TMTC1: variants seen among roughly 807,000 people sequenced by gnomAD.
TMTC1 encodes the protein transmembrane O-mannosyltransferase targeting cadherins 1.
In TMTC1, 73 loss-of-function variants were observed where a neutral mutation model predicts 104.8. The observed-to-expected ratio is 0.70, with a 90% CI of 0.58 to 0.85. The LOEUF (loss-of-function observed/expected upper bound fraction) is 0.85. Ranked by LOEUF, TMTC1 falls within the 40% of genes least tolerant of loss-of-function variation. The pLI is 0.00. For synonymous variants in TMTC1, 434 were observed against 428.7 expected (o/e 1.01, Z -0.15); for missense variants, 1,035 against 1,096.1 (o/e 0.94, Z 0.79).
intron 5 of TMTC1, among the ~76,000 whole-genome samples, chr12:29,711,319 A>G (rs997247545): frequency 4.6e-5 from 7 of 152,174 alleles, no homozygotes; most frequent in African/African-American, 1.7e-4. Flanking sequence ...AAATGTATTC[A>G]GGAACAAGTT....
At chr12:29,620,629 C>T (rs1277658033) in intron 6 of TMTC1, among the ~76,000 whole-genome samples, 1 of 152,170 alleles carries the variant, frequency 6.6e-6, no homozygotes, top group Admixed American at 6.5e-5. Context: ...ACAGATCCAA[C>T]TTCTCTATTT....
At chr12:29,589,579 A>T (rs891976430) in intron 7 of TMTC1, among the ~76,000 whole-genome samples, 1 of 152,182 alleles carries the variant, frequency 6.6e-6, no homozygotes, top group African/African-American at 2.4e-5. Flanking sequence ...ACATCTCAAT[A>T]GTCATTTTCT....
chr12:29,762,143 C>T (rs965965072), intron 2 of TMTC1, among the ~76,000 whole-genome samples: 4 of 152,110 alleles, frequency 2.6e-5, no homozygotes, highest in Admixed American at 2.6e-4. Context: ...CACATCACTG[C>T]GCCCCAGCCT....
At chr12:29,565,171 A>C (rs938523231) in intron 9 of TMTC1, among the ~76,000 whole-genome samples, 3 of 152,160 alleles carry the variant, frequency 2.0e-5, no homozygotes, top group Non-Finnish European at 2.9e-5. Flanking sequence ...AGAATCCAGA[A>C]GGCAGTCTGT....
chr12:29,780,766 T>G (rs1273369328), intron 1 of TMTC1, among the ~76,000 whole-genome samples: 3 of 152,360 alleles, frequency 2.0e-5, no homozygotes, highest in Middle Eastern at 6.8e-3. Context: ...TACAGGATGT[T>G]ACCATTGGGG....
chr12:29,582,617 C>A (rs1406980581), intron 8 of TMTC1, among the ~76,000 whole-genome samples: 1 of 152,184 alleles, frequency 6.6e-6, no homozygotes, highest in African/African-American at 2.4e-5. Context: ...TCCCTTAATT[C>A]TGTATGCCTT....
rs543313894 is a variant in TMTC1 at position 29,680,896 on chromosome 12, G to A, written c.939-47560C>T. Among the ~76,000 whole-genome samples the A allele has an allele frequency of 6.6e-5, 10 of 152,088 alleles. No individual in the cohort carries two copies. The South Asian group carries it at 1.2e-3, about 19-fold the overall frequency. On this transcript the variant is annotated intron_variant, in intron 5 of 17. Transcript: ENST00000539277. ...GTGGATCACTTGAGGCCAGGAGTTC[G>A]AGACCAGCCTGGCCAACATGGTGAA...
intron 5 of TMTC1, among the ~76,000 whole-genome samples, chr12:29,654,328 G>A (rs1464402430): frequency 1.3e-5 from 2 of 152,156 alleles, no homozygotes; most frequent in African/African-American, 4.8e-5. Context: ...AAAAGAGTCA[G>A]TACATACATA....
At chr12:29,566,301 G>A (rs1423581120) in intron 9 of TMTC1, among the ~76,000 whole-genome samples, 3 of 152,168 alleles carry the variant, frequency 2.0e-5, no homozygotes, top group Non-Finnish European at 2.9e-5. Context: ...TGTGTCTGGA[G>A]CCAAGTAAGC....
intron 5 of TMTC1, among the ~76,000 whole-genome samples, chr12:29,722,891 A>G (rs1942275253): frequency 6.7e-6 from 1 of 149,808 alleles, no homozygotes; most frequent in African/African-American, 2.4e-5. Flanking sequence ...ATTGCATTTC[A>G]GCCTGAGCAA....
At chr12:29,759,134 C>T (rs1943284137) in intron 2 of TMTC1, among the ~76,000 whole-genome samples, 1 of 152,066 alleles carries the variant, frequency 6.6e-6, no homozygotes, top group African/African-American at 2.4e-5. Context: ...TTCTGTGTAC[C>T]ATGCTGCTAA....
At chr12:29,534,877 G>C (rs1246705735) in intron 11 of TMTC1, 1 of 152,126 alleles carries the variant, frequency 6.6e-6, no homozygotes, top group Non-Finnish European at 1.5e-5. Context: ...GCAGGACATG[G>C]TAGTAGAGAA....
At chr12:29,595,958 A>T (rs1235681000) in intron 7 of TMTC1, among the ~76,000 whole-genome samples, 1 of 152,062 alleles carries the variant, frequency 6.6e-6, no homozygotes, top group African/African-American at 2.4e-5. Flanking sequence ...TCCTTCACTG[A>T]GATTTAAAAA....
In TMTC1 at chr12:29,502,145, C is replaced by T. The variant is rs1392592728; in HGVS notation, c.*4701G>A. On this transcript the variant is annotated 3_prime_UTR_variant, in exon 18 of 18. Coordinates refer to ENST00000539277, the MANE Select transcript of TMTC1 (RefSeq NM_001193451.2). ...ATTCTTTTTAAATGTCAAAAGATAC[C>T]ATTTAAATAGCTAAGTTAACCTATA... is the stretch of plus-strand genomic sequence containing the variant. 3 of 151,906 alleles carry T rather than the reference C, an allele frequency of 2.0e-5. No individual in the cohort carries two copies. Among genetic ancestry groups the T allele is most frequent in the Non-Finnish European group, 4.4e-5 (3 of 67,978 alleles). 9.4% of individuals were successfully genotyped at this position (151,906 alleles called of 1,614,324 possible).
chr12:29,505,214 T>C lies in TMTC1; in HGVS notation c.*1632A>G, dbSNP rs1943671774. The C allele has an allele frequency of 6.6e-6, 1 of 152,212 alleles. No individual in the cohort carries two copies. Among genetic ancestry groups the C allele is most frequent in the African/African-American group, 2.4e-5 (1 of 41,460 alleles). The allele number at this position is 152,212 out of a possible 1,614,324, so 9.4% of individuals were successfully genotyped here. On this transcript the variant is annotated 3_prime_UTR_variant, in exon 18 of 18. Coordinates refer to ENST00000539277, the MANE Select transcript of TMTC1 (RefSeq NM_001193451.2). ...ATAACACTGGGGTAGTGCTTCCTGA[T>C]ACTGGGTTGAAAGAAGCAGAAGGCT...
In TMTC1 at chr12:29,644,145, GTGTGTATA is replaced by G. The variant is rs1261503364; in HGVS notation, c.939-10817_939-10810del. ...TGTGTGTGTGTGTGTGTGTGTGTGT[GTGTGTATA>G]TATATATATAATGAAATACTAAACA... On this transcript the variant is annotated intron_variant, in intron 5 of 17. Coordinates refer to ENST00000539277, the MANE Select transcript of TMTC1 (RefSeq NM_001193451.2). Among the ~76,000 whole-genome samples the G allele has an allele frequency of 5.3e-3, 405 of 76,904 alleles. 23 individuals carry two copies. Among genetic ancestry groups the G allele is most frequent in the Middle Eastern group, 0.025 (4 of 158 alleles). 50.5% of individuals were successfully genotyped at this position (76,904 alleles called of 152,430 possible).
At chr12:29,694,413 C>T (rs1941353860) in intron 5 of TMTC1, among the ~76,000 whole-genome samples, 1 of 152,172 alleles carries the variant, frequency 6.6e-6, no homozygotes, top group African/African-American at 2.4e-5. Flanking sequence ...ATGTAATCTA[C>T]ACACATCCTC....
At chr12:29,703,220 C>G (rs905444040) in intron 5 of TMTC1, among the ~76,000 whole-genome samples, 1 of 150,410 alleles carries the variant, frequency 6.6e-6, no homozygotes. Context: ...AGGAAAAAAA[C>G]AAAATAAGGA....
chr12:29,616,477 G>A (rs955876178), intron 6 of TMTC1, among the ~76,000 whole-genome samples: 4 of 152,010 alleles, frequency 2.6e-5, no homozygotes, highest in African/African-American at 9.7e-5. Flanking sequence ...TTCAAGGCCT[G>A]ACCAACATGG....
Sources: allele counts gnomAD v4.1 joint callset (sites outside exome capture counted in the v4.1 genomes callset), GRCh38; gene constraint gnomAD v4.1.1; transcripts MANE v1.5; gene names NCBI Gene and HGNC (gene_info 2026-07-23, HGNC 2026-07-21).